The following VPS4B variants were observed in gnomAD, a reference collection of about 807,000 sequenced individuals.
The protein encoded by VPS4B is vacuolar protein sorting 4 homolog B, also known as vacuolar protein sorting-associated protein 4B.
In VPS4B, 23 loss-of-function variants were observed where a neutral mutation model predicts 56.1. The observed-to-expected ratio is 0.41, with a 90% CI of 0.30 to 0.58. The LOEUF (loss-of-function observed/expected upper bound fraction) is 0.58. Among genes scored for constraint, VPS4B ranks in the 20% least tolerant of loss-of-function variants. The pLI is 0.29. For synonymous variants in VPS4B, 177 were observed against 186.0 expected (o/e 0.95, Z 0.39); for missense variants, 372 against 531.9 (o/e 0.70, Z 2.96).
intron 4 of VPS4B, among the ~76,000 whole-genome samples, chr18:63,406,551 G>C (rs1457325311): frequency 6.6e-6 from 1 of 152,182 alleles, no homozygotes; most frequent in Non-Finnish European, 1.5e-5. Context: ...CAATGGGTGA[G>C]CAAAAAATTC....
At chr18:63,410,706 G>A (rs920191277) in intron 2 of VPS4B, among the ~76,000 whole-genome samples, 1 of 152,140 alleles carries the variant, frequency 6.6e-6, no homozygotes, top group Non-Finnish European at 1.5e-5. Flanking sequence ...TAACTAACAG[G>A]AAATTATTTA....
At chr18:63,400,803 A>C in intron 5 of VPS4B, 100 bp from the exon 6 acceptor site, 1 of 1,137,664 alleles carries the variant, frequency 8.8e-7, no homozygotes, top group East Asian at 2.8e-5. Context: ...CTAAACCTCT[A>C]AGGATCAAAA....
chr18:63,416,469 T>C (rs1020283228), intron 1 of VPS4B: 1 of 152,612 alleles, frequency 6.6e-6, no homozygotes, highest in Non-Finnish European at 1.5e-5. Context: ...TCAAACATTA[T>C]CTTCCCTTTT....
rs746641818 is a variant in VPS4B, at chr18:63,410,317, CCTT to C, written c.266_268del (p.Glu89del). 20 of 1,613,958 alleles carry C rather than the reference CCTT, an allele frequency of 1.2e-5. No individual in the cohort carries two copies. Among genetic ancestry groups the C allele is most frequent in the Admixed American group, 1.7e-5 (1 of 59,998 alleles). On this transcript the variant is annotated inframe_deletion, in exon 3 of 11. Coordinates refer to ENST00000238497, the MANE Select transcript of VPS4B (RefSeq NM_004869.4). ...CTTCTCATCTGCTGGACTCGGCTGT[CCTT>C]CTTTCACTGGCTTCTGTGCTTTTTT...
At chr18:63,416,281 T>G in intron 1 of VPS4B, 1 of 209,858 alleles carries the variant, frequency 4.8e-6, no homozygotes, top group Non-Finnish European at 1.0e-5. Context: ...GCAGCAGCTG[T>G]AGCTCCTCCT....
intron 1 of VPS4B, among the ~76,000 whole-genome samples, chr18:63,418,290 GCCT>G (rs1017038285): frequency 6.6e-6 from 1 of 152,016 alleles, no homozygotes; most frequent in African/African-American, 2.4e-5. Flanking sequence ...AATGCTTTCT[GCCT>G]CCTGATAGCC....
chr18:63,414,233 T>C (rs1477276977), intron 1 of VPS4B, among the ~76,000 whole-genome samples: 1 of 151,334 alleles, frequency 6.6e-6, no homozygotes, highest in Non-Finnish European at 1.5e-5. Context: ...ACAAAAAATA[T>C]TAGCCAGGCG....
intron 1 of VPS4B, chr18:63,415,884 C>T: frequency 5.0e-6 from 1 of 199,278 alleles, no homozygotes; most frequent in Non-Finnish European, 1.1e-5. Context: ...ACAGTGTCTT[C>T]CCAGTGCCTA....
At chr18:63,408,754 T>C (rs1232030930) in intron 3 of VPS4B, among the ~76,000 whole-genome samples, 2 of 152,218 alleles carry the variant, frequency 1.3e-5, no homozygotes, top group East Asian at 1.9e-4. Flanking sequence ...TAATACCCTA[T>C]AATATATCCC....
intron 3 of VPS4B, 97 bp from the exon 4 acceptor site, chr18:63,407,596 G>A: frequency 2.1e-6 from 2 of 953,278 alleles, no homozygotes; most frequent in Non-Finnish European, 3.1e-6. Context: ...TGTAATTTCA[G>A]TGGCAAAATC....
At chr18:63,405,628 T>C (rs1359008062) in intron 4 of VPS4B, among the ~76,000 whole-genome samples, 1 of 152,092 alleles carries the variant, frequency 6.6e-6, no homozygotes, top group Non-Finnish European at 1.5e-5. Context: ...GCCTTTATTG[T>C]AAGTGATAGG....
rs771422417 is a variant in VPS4B at position 63,410,310 on chromosome 18, C to T, written c.276G>A (p.Pro92=). The change falls in exon 3 of 11, where the codon CCG becomes CCA. Residue 92 remains proline, a synonymous_variant. Transcript: ENST00000238497. ...CGTACCCCTTCTCATCTGCTGGACT[C>T]GGCTGTCCTTCTTTCACTGGCTTCT... ...KAQKPVKEGQ[P]SPADEKGNDS... 16 of 1,613,904 alleles carry T rather than the reference C, an allele frequency of 9.9e-6. No individual in the cohort carries two copies. Among genetic ancestry groups the T allele is most frequent in the Admixed American group, 3.3e-5 (2 of 59,986 alleles).
At chr18:63,416,311 A>ATT (rs200074311) in intron 1 of VPS4B, 2,624 of 189,660 alleles carry the variant, frequency 0.014, 65 homozygotes, top group African/African-American at 0.059. Flanking sequence ...GAACTTTTGC[A>ATT]TTGAGTTCAT....
Position 63,410,435 on chromosome 18 carries a change from C to A in VPS4B, c.151G>T (p.Gly51Cys), listed in dbSNP as rs1916014461. 1 of 1,612,638 alleles carries A rather than the reference C, an allele frequency of 6.2e-7. No homozygotes were observed. The highest frequency in any genetic ancestry group is 1.3e-5 in the African/African-American group (1 of 74,846). Residue 51 changes from glycine to cysteine, a missense_variant, in exon 3 of 11, where the codon GGT (glycine) becomes TGT (cysteine). Coordinates refer to ENST00000238497, the MANE Select transcript of VPS4B (RefSeq NM_004869.4). Reference sequence around the variant, plus strand: ...CTGATACTTTGCTTGGCTTTATCACCCTGTGCTTCATCTATTAAAGGGAAA... The same window carrying A: ...CTGATACTTTGCTTGGCTTTATCACACTGTGCTTCATCTATTAAAGGGAAA... Reference protein sequence around the residue: ...FLHVVKYEAQGDKAKQSIRAK... With the variant: ...FLHVVKYEAQCDKAKQSIRAK...
intron 1 of VPS4B, among the ~76,000 whole-genome samples, chr18:63,417,029 A>G (rs1392587366): frequency 3.3e-5 from 5 of 151,992 alleles, no homozygotes; most frequent in Admixed American, 3.3e-4. Context: ...ACAGGACTTC[A>G]CCTTGAGCTA....
rs1414978382 is a variant in VPS4B, at chr18:63,389,994, TG to T, written c.*980del. 3 of 152,600 alleles carry T rather than the reference TG, an allele frequency of 2.0e-5. No homozygotes were observed. Among genetic ancestry groups the T allele is most frequent in the African/African-American group, 7.2e-5 (3 of 41,450 alleles). 9.5% of individuals were successfully genotyped at this position (152,600 alleles called of 1,614,324 possible). A position where few individuals can be genotyped will look rare whatever the true frequency, so the allele number is the denominator to read the frequency against. On this transcript the variant is annotated 3_prime_UTR_variant, in exon 11 of 11. Transcript: ENST00000238497. ...TGTCTAATTTAGAAAATCTTCCTCT[TG>T]AGATTGCACAGTGAAAGGTATCAGT...
Position 63,420,009 on chromosome 18 carries a change from T to C in VPS4B, c.27+2224A>G, listed in dbSNP as rs571577171. Among the ~76,000 whole-genome samples, 3 of 152,314 alleles carry C rather than the reference T, an allele frequency of 2.0e-5. No homozygotes were observed. In the East Asian group the frequency reaches 5.8e-4, roughly 29 times the overall value. ...TCCTAGGTTAGAAGGTTGAAAAGGT[T>C]GAATGAGAAAGCACACATGTGAACC... On this transcript the variant is annotated intron_variant, in intron 1 of 10. Coordinates refer to ENST00000238497, the MANE Select transcript of VPS4B (RefSeq NM_004869.4).
chr18:63,411,844 A>C (rs1300671658), intron 1 of VPS4B, among the ~76,000 whole-genome samples: 3 of 152,236 alleles, frequency 2.0e-5, no homozygotes, highest in Non-Finnish European at 4.4e-5. Flanking sequence ...CTTTAGTACC[A>C]ATCGCTAACA....
At chr18:63,395,473 A>G (rs1212210477) in intron 9 of VPS4B, among the ~76,000 whole-genome samples, 1 of 152,208 alleles carries the variant, frequency 6.6e-6, no homozygotes, top group African/African-American at 2.4e-5. Context: ...GATAAAAATG[A>G]GCTTTAAAGA....
Sources: gnomAD v4.1 joint callset for allele counts (sites outside exome capture counted in the v4.1 genomes callset) on GRCh38, gnomAD v4.1.1 for gene constraint, MANE v1.5 for transcripts, NCBI Gene and HGNC (gene_info 2026-07-23, HGNC 2026-07-21) for gene names.